The following KIAA2012 variants were observed in gnomAD, a reference collection of about 807,000 sequenced individuals.
The protein encoded by KIAA2012 is uncharacterized protein KIAA2012.
A neutral mutation model predicts 150.6 loss-of-function variants in KIAA2012; 125 were observed. The ratio of observed to expected loss-of-function variants is 0.83; its 90% CI spans 0.72 to 0.96. The LOEUF (loss-of-function observed/expected upper bound fraction) is 0.96, where lower values mean the gene tolerates loss of function less well. Ranked by LOEUF, KIAA2012 falls within the 40% of genes least tolerant of loss-of-function variation. KIAA2012 has a pLI of 0.00. For synonymous variants in KIAA2012, 462 were observed against 504.7 expected, an observed-to-expected ratio of 0.92 and a Z score of 1.13; for missense variants, 1,219 against 1,354.9, an observed-to-expected ratio of 0.90 and a Z score of 1.57.
intron 13 of KIAA2012, among the ~76,000 whole-genome samples, chr2:202,147,787 A>C (rs1163494298): frequency 6.6e-6 from 1 of 152,194 alleles, no homozygotes; most frequent in African/African-American, 2.4e-5. Flanking sequence ...GAAGTCACAC[A>C]GTTTTGAGTT....
At chr2:202,118,328 G>T (rs1269519337) in intron 11 of KIAA2012, among the ~76,000 whole-genome samples, 2 of 152,116 alleles carry the variant, frequency 1.3e-5, no homozygotes, top group African/African-American at 4.8e-5. Flanking sequence ...GGCTGGATAT[G>T]GTCTCTGGGC....
intron 12 of KIAA2012, among the ~76,000 whole-genome samples, chr2:202,134,482 G>A (rs915404747): frequency 6.6e-6 from 1 of 152,112 alleles, no homozygotes; most frequent in Non-Finnish European, 1.5e-5. Flanking sequence ...CACCAGATGG[G>A]GCCCAAAAGA....
chr2:202,100,095 T>C (rs1039424417), intron 6 of KIAA2012, among the ~76,000 whole-genome samples: 2 of 152,130 alleles, frequency 1.3e-5, no homozygotes, highest in Non-Finnish European at 2.9e-5. Flanking sequence ...AGAATGGGGA[T>C]AATAATTACC....
At chr2:202,132,800 A>ATTTT (rs1267750024) in intron 12 of KIAA2012, among the ~76,000 whole-genome samples, 1 of 78,032 alleles carries the variant, frequency 1.3e-5, no homozygotes, top group African/African-American at 5.3e-5. Context: ...ATATATATAT[A>ATTTT]TATTTTTTTT....
chr2:202,133,974 T>C (rs1691011179), intron 12 of KIAA2012, among the ~76,000 whole-genome samples: 2 of 149,622 alleles, frequency 1.3e-5, no homozygotes. Context: ...AAGTTTATAC[T>C]GGGGAGAATT....
At chr2:202,147,597 G>A (rs751230774) in intron 13 of KIAA2012, among the ~76,000 whole-genome samples, 2 of 152,300 alleles carry the variant, frequency 1.3e-5, no homozygotes, top group Admixed American at 6.5e-5. Context: ...TCCATAGTCC[G>A]GCTGAATTTG....
At chr2:202,145,678 C>CTTTTTTTTT (rs36059685) in intron 13 of KIAA2012, among the ~76,000 whole-genome samples, 14 of 75,336 alleles carry the variant, frequency 1.9e-4, no homozygotes, top group Non-Finnish European at 2.1e-4. Flanking sequence ...TTGAGAGGGT[C>CTTTTTTTTT]TTTTTTTTTT....
At chr2:202,153,424 C>T (rs565326935) in intron 13 of KIAA2012, among the ~76,000 whole-genome samples, 16 of 152,310 alleles carry the variant, frequency 1.1e-4, no homozygotes, top group African/African-American at 3.6e-4. Flanking sequence ...GGTCTTGCTC[C>T]AGGAGCTCAA....
chr2:202,125,644 C>A (rs1225984279), intron 12 of KIAA2012, among the ~76,000 whole-genome samples: 1 of 152,124 alleles, frequency 6.6e-6, no homozygotes, highest in Non-Finnish European at 1.5e-5. Context: ...GTCGTGCATC[C>A]CTCAGCCTGC....
At chr2:202,190,843 G>A (rs938343789) in intron 19 of KIAA2012, among the ~76,000 whole-genome samples, 1 of 152,200 alleles carries the variant, frequency 6.6e-6, no homozygotes, top group African/African-American at 2.4e-5. Context: ...TCAGAGCTGA[G>A]CATATTTCCT....
At chr2:202,103,554 A>C (rs1690107061) in intron 8 of KIAA2012, among the ~76,000 whole-genome samples, 1 of 152,220 alleles carries the variant, frequency 6.6e-6, no homozygotes, top group South Asian at 2.1e-4. Flanking sequence ...CATGGTTTGA[A>C]GTAAGTACTG....
rs1690758976 is a variant in KIAA2012, at chr2:202,125,400, TA to T, written c.1831+119del. On this transcript the variant is annotated intron_variant, in intron 12 of 23. Transcript: ENST00000498697. ...ATTTCTCCCCAAATATACCAATAAG[TA>T]GCAGAGAGGATTTGCTTCTTGGAAA... 5 of 754,106 alleles carry T rather than the reference TA, an allele frequency of 6.6e-6. No individual in the cohort carries two copies. In the East Asian group the frequency reaches 1.4e-4, roughly 21 times the overall value. The allele number at this position is 754,106 out of a possible 1,614,324, so 46.7% of individuals were successfully genotyped here. A position where few individuals can be genotyped will look rare whatever the true frequency, so the allele number is the denominator to read the frequency against.
intron 18 of KIAA2012, 132 bp from the exon 19 acceptor site, chr2:202,190,042 C>A (rs1467307667): frequency 1.5e-6 from 1 of 678,160 alleles, no homozygotes; most frequent in Non-Finnish European, 2.3e-6. Flanking sequence ...GAGCCATGAT[C>A]GTGCCACTGC....
intron 21 of KIAA2012, 117 bp downstream of exon 21, chr2:202,194,479 A>G: frequency 5.3e-6 from 5 of 938,006 alleles, no homozygotes; most frequent in Non-Finnish European, 5.8e-6. Flanking sequence ...AGCACTCTAA[A>G]TAATATAAAC....
chr2:202,121,689 G>T (rs898974430), intron 11 of KIAA2012, among the ~76,000 whole-genome samples: 2 of 152,178 alleles, frequency 1.3e-5, no homozygotes, highest in African/African-American at 4.8e-5. Flanking sequence ...GCAGAGCTGG[G>T]CTTCATTCCC....
chr2:202,180,134 G>A (rs1348650557), intron 15 of KIAA2012, among the ~76,000 whole-genome samples: 1 of 152,114 alleles, frequency 6.6e-6, no homozygotes, highest in Non-Finnish European at 1.5e-5. Context: ...AGCCGGGCAT[G>A]GTGGTGCATG....
intron 4 of KIAA2012, among the ~76,000 whole-genome samples, chr2:202,096,851 G>T (rs1689896674): frequency 6.6e-6 from 1 of 152,224 alleles, no homozygotes. Context: ...TGTTAACTAT[G>T]TTGGAGTCAT....
intron 15 of KIAA2012, among the ~76,000 whole-genome samples, chr2:202,181,968 G>C (rs1692129236): frequency 6.6e-6 from 1 of 151,996 alleles, no homozygotes; most frequent in Admixed American, 6.6e-5. Flanking sequence ...ACTCCCAAAA[G>C]TTTCCTCATA....
chr2:202,198,688 C>T (rs868732314), intron 22 of KIAA2012, among the ~76,000 whole-genome samples: 1 of 152,176 alleles, frequency 6.6e-6, no homozygotes, highest in Admixed American at 6.5e-5. Context: ...AACTAATAAT[C>T]GTCCCTCTTT....
Sources: gnomAD v4.1 joint callset for allele counts (sites outside exome capture counted in the v4.1 genomes callset) on GRCh38, gnomAD v4.1.1 for gene constraint, MANE v1.5 for transcripts, NCBI Gene and HGNC (gene_info 2026-07-23, HGNC 2026-07-21) for gene names.